Variants in ABCB4 observed in about 807,000 individuals in gnomAD.
The protein encoded by ABCB4 is ATP binding cassette subfamily B member 4.
ABCB4 carries 76 observed loss-of-function variants against 145.7 expected under a neutral mutation model. The ratio of observed to expected loss-of-function variants is 0.52; its 90% confidence interval spans 0.43 to 0.63. ABCB4 has a LOEUF of 0.63. Ranked by LOEUF, ABCB4 falls within the 30% of genes least tolerant of loss-of-function variation. ABCB4 has a pLI of 0.00. For missense variants in ABCB4, 1,234 were observed against 1,553.1 expected (o/e 0.79, Z 3.45); for synonymous variants, 517 against 566.8 (o/e 0.91, Z 1.25).
chr7:87,410,542 C>G (rs1477770522), intron 23 of ABCB4, among the ~76,000 whole-genome samples: 1 of 152,162 alleles, frequency 6.6e-6, no homozygotes, highest in Non-Finnish European at 1.5e-5. Context: ...AGAAAGGAAG[C>G]AGGAATAATG....
chr7:87,408,935 A>G (rs1355758429), intron 24 of ABCB4, among the ~76,000 whole-genome samples: 1 of 152,224 alleles, frequency 6.6e-6, no homozygotes, highest in South Asian at 2.1e-4. Context: ...TTGCATTAAC[A>G]TGGCAGAATT....
chr7:87,438,115 T>C (rs1313672706), intron 14 of ABCB4, among the ~76,000 whole-genome samples: 2 of 152,186 alleles, frequency 1.3e-5, no homozygotes, highest in Non-Finnish European at 2.9e-5. Context: ...CTGGAAATGA[T>C]TGGAACCTAG....
chr7:87,464,827 G>A (rs528412999), intron 3 of ABCB4, among the ~76,000 whole-genome samples: 1 of 152,226 alleles, frequency 6.6e-6, no homozygotes, highest in African/African-American at 2.4e-5. Context: ...CTACATTAAG[G>A]TTTGTAGGAT....
chr7:87,472,273 C>T (rs966367973), intron 3 of ABCB4, among the ~76,000 whole-genome samples: 2 of 152,168 alleles, frequency 1.3e-5, no homozygotes, highest in South Asian at 4.2e-4. Flanking sequence ...GGCTGGAGTG[C>T]AGTGGTGTGA....
chr7:87,450,246 T>G (rs1811622934), intron 7 of ABCB4, among the ~76,000 whole-genome samples, 154 bp from the exon 8 acceptor site: 1 of 152,194 alleles, frequency 6.6e-6, no homozygotes, highest in Admixed American at 6.5e-5. Context: ...ATCCAATGGC[T>G]GCGTCCACAT....
intron 4 of ABCB4, 141 bp downstream of exon 4, chr7:87,462,617 C>T (rs887286883): frequency 1.3e-6 from 1 of 763,466 alleles, no homozygotes; most frequent in Non-Finnish European, 2.2e-6. Flanking sequence ...GAGAATTTTA[C>T]AACTCCTTCT....
chr7:87,459,093 G>T (rs1443288640), intron 4 of ABCB4, among the ~76,000 whole-genome samples: 1 of 151,944 alleles, frequency 6.6e-6, no homozygotes, highest in African/African-American at 2.4e-5. Flanking sequence ...AAAGAGAAAT[G>T]ATGTGTGATA....
intron 22 of ABCB4, 30 bp from the exon 23 acceptor site, chr7:87,412,063 A>ATCTCT (rs1562953872): frequency 3.1e-6 from 5 of 1,612,842 alleles, no homozygotes; most frequent in Admixed American, 1.7e-5. Context: ...ACTTGTAACC[A>ATCTCT]TCTCTTCAGC....
chr7:87,424,004 T>C lies in ABCB4; in HGVS notation c.2113A>G (p.Lys705Glu), dbSNP rs1562963002. Residue 705 changes from lysine (K) to glutamate (E), a missense_variant, in exon 17 of 28, where the codon AAA (lysine) becomes GAA (glutamate). Physicochemically the swap from Lys to Glu is moderately conservative, Grantham distance 56. Coordinates refer to ENST00000649586, the MANE Select transcript of ABCB4 (RefSeq NM_000443.4). ...VSFLKVLKLN[K>E]TEWPYFVVGT... Reference sequence around the variant, plus strand: ...ACGACAAAGTAGGGCCATTCTGTTTTATTCAGTTTCAGGACCTTCAGAAAG... The same window carrying C: ...ACGACAAAGTAGGGCCATTCTGTTTCATTCAGTTTCAGGACCTTCAGAAAG... 6.2e-7 allele frequency: 1 copy of C among 1,614,012 alleles called. No homozygotes were observed. Among genetic ancestry groups the C allele is most frequent in the South Asian group, 1.1e-5 (1 of 91,086 alleles).
chr7:87,426,947 G>GTT, intron 15 of ABCB4, 27 bp from the exon 16 acceptor site: 3 of 1,287,512 alleles, frequency 2.3e-6, no homozygotes, highest in Non-Finnish European at 3.2e-6. Flanking sequence ...ACATTAAAGT[G>GTT]TGTGTGTGTG....
chr7:87,466,868 C>T (rs1017980242), intron 3 of ABCB4, among the ~76,000 whole-genome samples: 4 of 152,132 alleles, frequency 2.6e-5, no homozygotes, highest in African/African-American at 9.7e-5. Context: ...TTGTTACCAC[C>T]AGGCCTGCCC....
At chr7:87,404,081 C>T (rs1445845147) in intron 26 of ABCB4, among the ~76,000 whole-genome samples, 1 of 152,102 alleles carries the variant, frequency 6.6e-6, no homozygotes, top group African/African-American at 2.4e-5. Context: ...AGAGCTGAAG[C>T]TGTAAATTTT....
chr7:87,465,361 T>C, intron 3 of ABCB4, among the ~76,000 whole-genome samples: 1 of 152,038 alleles, frequency 6.6e-6, no homozygotes, highest in East Asian at 1.9e-4. Context: ...CTTGAGTAGG[T>C]AAACAAAGCG....
intron 22 of ABCB4, among the ~76,000 whole-genome samples, chr7:87,412,465 A>G (rs1000557217): frequency 2.6e-5 from 4 of 152,154 alleles, no homozygotes; most frequent in African/African-American, 9.7e-5. Flanking sequence ...GTTAAAATTC[A>G]TGTTTCAGAT....
the ABCB4 span, among the ~76,000 whole-genome samples, chr7:87,380,940 C>G: frequency 6.6e-6 from 1 of 152,226 alleles, no homozygotes; most frequent in African/African-American, 2.4e-5. Context: ...GGCAGATAAA[C>G]TGCTCAGGCA....
intron 21 of ABCB4, 92 bp from the exon 22 acceptor site, chr7:87,413,809 A>C: frequency 2.3e-6 from 2 of 870,674 alleles, no homozygotes; most frequent in Admixed American, 3.5e-5. Flanking sequence ...AAGTATCCTG[A>C]AGGTTACGTT....
chr7:87,434,286 C>A (rs1056383637), intron 14 of ABCB4, among the ~76,000 whole-genome samples: 3 of 151,628 alleles, frequency 2.0e-5, no homozygotes, highest in Non-Finnish European at 4.4e-5. Flanking sequence ...ACACCATGAT[C>A]AGGAGTGTGC....
At chr7:87,444,835 T>C (rs752862367) in intron 10 of ABCB4, 27 bp downstream of exon 10, 1 of 1,543,954 alleles carries the variant, frequency 6.5e-7, no homozygotes, top group Non-Finnish European at 8.9e-7. Context: ...AAGACTTCTT[T>C]TGGCACTAAA....
chr7:87,442,737 G>A (rs1054498594), intron 12 of ABCB4, among the ~76,000 whole-genome samples: 21 of 152,096 alleles, frequency 1.4e-4, no homozygotes, highest in Admixed American at 7.9e-4. Flanking sequence ...AAGGATCTGT[G>A]AGTTCTCTAG....
Sources: allele counts gnomAD v4.1 joint callset (sites outside exome capture counted in the v4.1 genomes callset), GRCh38; gene constraint gnomAD v4.1.1; transcripts MANE v1.5; gene names NCBI Gene and HGNC (gene_info 2026-07-23, HGNC 2026-07-21).